The following GTPBP4 variants were observed in gnomAD, a reference collection of about 807,000 sequenced individuals.
GTPBP4 encodes GTP binding protein 4.
A neutral mutation model predicts 81.7 loss-of-function variants in GTPBP4; 15 were observed. The observed-to-expected ratio is 0.18, with a 90% CI of 0.12 to 0.28. The LOEUF is 0.28. Ranked by LOEUF, GTPBP4 falls within the 10% of genes least tolerant of loss-of-function variation. The pLI is 1.00. For synonymous variants in GTPBP4, 272 were observed against 274.6 expected, an observed-to-expected ratio of 0.99 and a Z score of 0.09; for missense variants, 847 against 793.8, an observed-to-expected ratio of 1.07 and a Z score of -0.81.
chr10:1,014,921 C>T (rs1373046601), intron 15 of GTPBP4, among the ~76,000 whole-genome samples: 7 of 151,798 alleles, frequency 4.6e-5, no homozygotes, highest in Admixed American at 3.9e-4. Flanking sequence ...AGCACCATGA[C>T]GTGCCCAGGG....
At chr10:1,010,327 T>G in intron 12 of GTPBP4, 93 bp from the exon 13 acceptor site, 22 of 687,784 alleles carry the variant, frequency 3.2e-5, no homozygotes, top group Non-Finnish European at 3.7e-5. Flanking sequence ...GTGGAGTCGT[T>G]GATTTGCCGT....
chr10:992,789 A>G, intron 2 of GTPBP4, 130 bp downstream of exon 2: 1 of 594,040 alleles, frequency 1.7e-6, no homozygotes, highest in Non-Finnish European at 3.0e-6. Context: ...TCAGTAAGTT[A>G]GTGGCAAAGA....
At chr10:996,706 A>G (rs1188857141) in intron 4 of GTPBP4, 2 of 156,738 alleles carry the variant, frequency 1.3e-5, no homozygotes, top group Admixed American at 1.3e-4. Context: ...AATAATTTTT[A>G]ACAAAATTTG....
Position 1,000,990 on chromosome 10 carries a change from G to T in GTPBP4, c.889G>T (p.Ala297Ser). ...VANKCDVKRI[A>S]ELSEDDQKIF... is the part of the protein sequence containing the mutation. ...CAACAAATGTGATGTGAAGAGAATA[G>T]CTGAACTTTCTGAAGATGATCAGGT... is the stretch of plus-strand genomic sequence containing the variant. The change falls in exon 8 of 17, where the codon GCT becomes TCT. Residue 297 changes from alanine (A) to serine (S), a missense_variant. By Grantham distance (99) the Ala-to-Ser change is moderately conservative. This residue lies in a region of GTPBP4 where 600 missense variants were observed against 557.1 expected (regional missense o/e 1.08). Coordinates refer to ENST00000360803, the MANE Select transcript of GTPBP4 (RefSeq NM_012341.3). 1 of 1,609,052 alleles carries T rather than the reference G, an allele frequency of 6.2e-7. No individual in the cohort carries two copies. Among genetic ancestry groups the T allele is most frequent in the Non-Finnish European group, 8.5e-7 (1 of 1,175,364 alleles).
intron 8 of GTPBP4, among the ~76,000 whole-genome samples, chr10:1,003,896 G>A (rs1021952828): frequency 6.6e-6 from 1 of 152,148 alleles, no homozygotes; most frequent in African/African-American, 2.4e-5. Context: ...GGTAGCTGTG[G>A]GACTGGGGTC....
At chr10:995,844 G>T in intron 2 of GTPBP4, 85 bp from the exon 3 acceptor site, 1 of 765,510 alleles carries the variant, frequency 1.3e-6, no homozygotes, top group Non-Finnish European at 2.3e-6. Context: ...GGCGTGGAGG[G>T]AGAGGGAAAG....
chr10:1,001,500 A>C (rs186253966), intron 8 of GTPBP4, among the ~76,000 whole-genome samples: 6 of 152,300 alleles, frequency 3.9e-5, no homozygotes, highest in Admixed American at 3.9e-4. Context: ...AACTGATTGA[A>C]TCCTACAACC....
chr10:1,007,511 G>T (rs1244344330), intron 10 of GTPBP4, among the ~76,000 whole-genome samples: 1 of 152,216 alleles, frequency 6.6e-6, no homozygotes, highest in African/African-American at 2.4e-5. Flanking sequence ...AAGGTGGGAA[G>T]ATTGCTTAAG....
At chr10:1,016,418 C>G (rs1454050136) in intron 16 of GTPBP4, among the ~76,000 whole-genome samples, 5 of 152,226 alleles carry the variant, frequency 3.3e-5, no homozygotes. Flanking sequence ...CTGAAACGTC[C>G]TTTTATTAAA....
Position 1,012,565 on chromosome 10 carries a change from A to C in GTPBP4, c.1445A>C (p.Gln482Pro), listed in dbSNP as rs757062874. ...GACGAAGAGATGCTGGAAATCCGAC[A>C]GCTGGCAAAGCAAATTCGAGAGAAA... ...SEDEEMLEIR[Q>P]LAKQIREKKK... Residue 482 changes from glutamine to proline, a missense_variant, in exon 14 of 17, where the codon CAG becomes CCG. By Grantham distance (76) the Gln-to-Pro change is moderately conservative. Coordinates refer to ENST00000360803, the MANE Select transcript of GTPBP4 (RefSeq NM_012341.3). 3.7e-6 allele frequency: 6 copies of C among 1,613,748 alleles called. No individual in the cohort carries two copies. The Admixed American group carries it at 8.3e-5, about 22-fold the overall frequency.
At position 1,018,943 on chromosome 10, in the gene GTPBP4, AT is replaced by A. The variant is rs1325254956; in HGVS notation, c.*1718del. The stretch of plus-strand genomic sequence containing the variant: ...CAAGTATGTCTTTATTTGTAAGCAT[AT>A]TACTGAAACGATCAAATGAACAGAA... On this transcript the variant is annotated 3_prime_UTR_variant, in exon 17 of 17. Transcript: ENST00000360803. 6.6e-6 allele frequency: 1 copy of A among 152,592 alleles called. No homozygotes were observed. The highest frequency in any genetic ancestry group is 1.5e-5 in the Non-Finnish European group (1 of 68,360). 9.5% of individuals were successfully genotyped at this position (152,592 alleles called of 1,614,324 possible).
In GTPBP4 at chr10:988,483, G is replaced by A. The variant is rs943546292; in HGVS notation, c.4G>A (p.Ala2Thr). The change falls in exon 1 of 17, where the codon GCA becomes ACA. Residue 2 changes from alanine to threonine, a missense_variant. By Grantham distance (58) the Ala-to-Thr change is moderately conservative. This residue lies in a region of GTPBP4 where 241 missense variants were observed against 216.3 expected (regional missense o/e 1.11). Coordinates refer to ENST00000360803, the MANE Select transcript of GTPBP4 (RefSeq NM_012341.3). MAHYNFKKITVV... is the reference protein window; with the variant it reads MTHYNFKKITVV... ...CCGCGTGCATACGGCTGCCGGCATGGCACATTACAACTTCAAGAAAATTAC... is the reference window on the plus strand; with the variant it reads ...CCGCGTGCATACGGCTGCCGGCATGACACATTACAACTTCAAGAAAATTAC... 7 of 1,612,986 alleles carry A rather than the reference G, an allele frequency of 4.3e-6. No individual in the cohort carries two copies. The highest frequency in any genetic ancestry group is 3.3e-5 in the Admixed American group (2 of 59,980).
At position 1,014,234 on chromosome 10, in the gene GTPBP4, T is replaced by C. The variant is rs1831933340; in HGVS notation, c.1543-13T>C. On this transcript the variant is annotated splice_polypyrimidine_tract_variant and intron_variant, in intron 14 of 16. Coordinates refer to ENST00000360803, the MANE Select transcript of GTPBP4 (RefSeq NM_012341.3). ...ACTAATTTAAAGCTAATATTTCTTT[T>C]TATCCTTCTCAGGTTCAGAGGACAG... 7 of 1,546,618 alleles carry C rather than the reference T, an allele frequency of 4.5e-6. No homozygotes were observed. Among genetic ancestry groups the C allele is most frequent in the Non-Finnish European group, 5.4e-6 (6 of 1,118,898 alleles).
At chr10:990,114 A>G (rs1831416318) in intron 1 of GTPBP4, among the ~76,000 whole-genome samples, 1 of 152,160 alleles carries the variant, frequency 6.6e-6, no homozygotes, top group South Asian at 2.1e-4. Context: ...TTGTTGAAGG[A>G]ATTTGCTCTT....
chr10:1,006,197 C>T (rs1163599784), intron 9 of GTPBP4, among the ~76,000 whole-genome samples: 2 of 152,204 alleles, frequency 1.3e-5, no homozygotes, highest in African/African-American at 2.4e-5. Flanking sequence ...GTAGCAAGTA[C>T]AGTGAAAATT....
intron 15 of GTPBP4, among the ~76,000 whole-genome samples, chr10:1,015,067 C>A (rs1038269539): frequency 3.9e-5 from 6 of 152,122 alleles, no homozygotes; most frequent in African/African-American, 1.4e-4. Flanking sequence ...TTGTTTATAT[C>A]TGAAATATAA....
intron 15 of GTPBP4, among the ~76,000 whole-genome samples, chr10:1,015,430 GACCT>G (rs1426907933): frequency 1.1e-4 from 12 of 111,844 alleles, no homozygotes; most frequent in Admixed American, 1.8e-4. Context: ...CCTGGGAGTG[GACCT>G]GGGGTCCTGA....
rs1267707110 is a variant in GTPBP4, at chr10:1,015,403, GGGTCCTGAGCGCTGAGCCTGGGAGTGGAC to G, written c.1609-349_1609-321del. Among the ~76,000 whole-genome samples the G allele has an allele frequency of 7.0e-5, 9 of 129,148 alleles. 2 individuals are homozygous for G. Among genetic ancestry groups the G allele is most frequent in the African/African-American group, 2.3e-4 (7 of 30,492 alleles). The allele number at this position is 129,148 out of a possible 152,430, so 84.7% of individuals were successfully genotyped here. Reference sequence around the variant, plus strand: ...AGCTCTGAGCCTGGGAGTGGACCTGGGGTCCTGAGCGCTGAGCCTGGGAGTGGACCTGGGGTCCTGAGCGCTGAGCCTGG... The same window carrying G: ...AGCTCTGAGCCTGGGAGTGGACCTGGCTGGGGTCCTGAGCGCTGAGCCTGG... On this transcript the variant is annotated intron_variant, in intron 15 of 16. Coordinates refer to ENST00000360803, the MANE Select transcript of GTPBP4 (RefSeq NM_012341.3).
At chr10:1,006,307 A>G (rs1436050801) in intron 9 of GTPBP4, among the ~76,000 whole-genome samples, 1 of 152,262 alleles carries the variant, frequency 6.6e-6, no homozygotes, top group Non-Finnish European at 1.5e-5. Flanking sequence ...ATGCTGTCCT[A>G]ATTACTTTGT....
Sources: allele counts gnomAD v4.1 joint callset (sites outside exome capture counted in the v4.1 genomes callset), GRCh38; gene constraint gnomAD v4.1.1; regional missense constraint gnomAD v4.1.1; transcripts MANE v1.5; gene names NCBI Gene and HGNC (gene_info 2026-07-23, HGNC 2026-07-21).